SCGB2B2: variants seen among roughly 807,000 people sequenced by gnomAD.
SCGB2B2 encodes the protein secretoglobin-like protein.
SCGB2B2 carries 11 observed loss-of-function variants against 7.6 expected under a neutral mutation model. The ratio of observed to expected loss-of-function variants is 1.45; its 90% CI spans 0.91 to 2.40. The LOEUF (loss-of-function observed/expected upper bound fraction) is 2.40. SCGB2B2 is among the 30% of genes most tolerant of loss of function. The pLI is 0.00. For missense variants in SCGB2B2, 104 were observed against 115.4 expected, an observed-to-expected ratio of 0.90 and a Z score of 0.45; for synonymous variants, 50 against 48.6, an observed-to-expected ratio of 1.03 and a Z score of -0.12.
chr19:34,665,609 A>ATGTGTG (rs60068620), intron 1 of SCGB2B2, among the ~76,000 whole-genome samples: 59,284 of 151,596 alleles, frequency 0.39, 12,727 homozygotes, highest in Middle Eastern at 0.58. Context: ...GGTGGGATGG[A>ATGTGTG]TGTGTGTGAC....
chr19:34,658,129 C>T (rs1441625917), intron 1 of SCGB2B2, among the ~76,000 whole-genome samples: 1 of 151,826 alleles, frequency 6.6e-6, no homozygotes, highest in African/African-American at 2.4e-5. Flanking sequence ...CACTAAATGC[C>T]CACAAGAGAA....
At chr19:34,660,285 G>C (rs1395493066) in intron 1 of SCGB2B2, among the ~76,000 whole-genome samples, 1 of 152,060 alleles carries the variant, frequency 6.6e-6, no homozygotes, top group Non-Finnish European at 1.5e-5. Flanking sequence ...TAGACAAATG[G>C]GATCTAATTG....
At chr19:34,625,270 G>T (rs561049324) in intron 1 of SCGB2B2, among the ~76,000 whole-genome samples, 137 of 152,286 alleles carry the variant, frequency 9.0e-4, no homozygotes, top group African/African-American at 3.2e-3. Flanking sequence ...TGGATAGTGG[G>T]TGCAGGACAG....
rs879078756 is a variant in SCGB2B2 at position 34,611,436 on chromosome 19, T to C, written c.-2031-14842A>G. Among the ~76,000 whole-genome samples, 3 of 152,026 alleles carry C rather than the reference T, an allele frequency of 2.0e-5. No individual in the cohort carries two copies. In the South Asian group the frequency reaches 6.2e-4, roughly 32 times the overall value. Reference sequence around the variant, plus strand: ...TTTACTTGAAATCTTTCTGTTTTTTTGATGTGAGTACTTACTATTAAACTT... The same window carrying C: ...TTTACTTGAAATCTTTCTGTTTTTTCGATGTGAGTACTTACTATTAAACTT... On this transcript the variant is annotated intron_variant, in intron 1 of 3. Transcript: ENST00000601241.
chr19:34,655,197 T>C (rs1726820778), intron 1 of SCGB2B2, among the ~76,000 whole-genome samples: 2 of 151,242 alleles, frequency 1.3e-5, no homozygotes, highest in Admixed American at 1.3e-4. Flanking sequence ...CAGGTGAAGA[T>C]GGAAGGAGGA....
At chr19:34,610,232 T>C (rs1238668848) in intron 1 of SCGB2B2, among the ~76,000 whole-genome samples, 1 of 152,108 alleles carries the variant, frequency 6.6e-6, no homozygotes, top group African/African-American at 2.4e-5. Flanking sequence ...GTTTTCTATA[T>C]ACAAGATCAT....
At chr19:34,603,408 G>A (rs116640901) in intron 1 of SCGB2B2, among the ~76,000 whole-genome samples, 2,657 of 152,310 alleles carry the variant, frequency 0.017, 87 homozygotes, top group African/African-American at 0.059. Context: ...GAAAGTCATT[G>A]CCTTGCTTTC....
chr19:34,591,378 C>A lies in SCGB2B2; in HGVS notation c.*2177G>T, dbSNP rs1431269800. Among the ~76,000 whole-genome samples, 1 of 152,208 alleles carries A rather than the reference C, an allele frequency of 6.6e-6. No homozygotes were observed. Among genetic ancestry groups the A allele is most frequent in the African/African-American group, 2.4e-5 (1 of 41,444 alleles). On this transcript the variant is annotated 3_prime_UTR_variant, in exon 4 of 4. Transcript: ENST00000601241. ...AATTCAACAGCAGGTGCTGTCAGTG[C>A]TGCCCCAGCCTCTGTCTCCCTCGTG... is the stretch of plus-strand genomic sequence containing the variant.
In SCGB2B2 at chr19:34,636,930, G is replaced by GC. The variant is rs535097096; in HGVS notation, c.-2032+38699dup. Among the ~76,000 whole-genome samples, 28 of 152,268 alleles carry GC rather than the reference G, an allele frequency of 1.8e-4. No homozygotes were observed. In the East Asian group the frequency reaches 5.2e-3, roughly 28 times the overall value. ...GACAACTACCTGAGTCTGGGAAGAT[G>GC]CAAGGCCTAAGGGAAAGACACGACA... On this transcript the variant is annotated intron_variant, in intron 1 of 3. Coordinates refer to ENST00000601241, the MANE Select transcript of SCGB2B2 (RefSeq NM_001025591.4).
intron 1 of SCGB2B2, among the ~76,000 whole-genome samples, chr19:34,598,960 G>A (rs1221600832): frequency 1.3e-5 from 2 of 152,368 alleles, no homozygotes; most frequent in East Asian, 3.9e-4. Flanking sequence ...TGCTTACCAA[G>A]TCCTGTGGTT....
At chr19:34,638,018 T>C (rs1600059227) in intron 1 of SCGB2B2, 1 of 152,226 alleles carries the variant, frequency 6.6e-6, no homozygotes, top group African/African-American at 2.4e-5. Flanking sequence ...AAATCCCCAG[T>C]GATAAAGGGA....
intron 1 of SCGB2B2, chr19:34,634,887 C>T: frequency 3.6e-6 from 1 of 278,072 alleles, no homozygotes; most frequent in South Asian, 5.1e-5. Context: ...TAAAATGAGG[C>T]TGGATCTTTG....
chr19:34,677,016 G>T lies in SCGB2B2; in HGVS notation c.-3418C>A, dbSNP rs1312339371. Reference sequence around the variant, plus strand: ...TCAGTATTTCCAAGTCCTTCCAGGGGCGTAACGCACGTCAGAACGGCCATT... The same window carrying T: ...TCAGTATTTCCAAGTCCTTCCAGGGTCGTAACGCACGTCAGAACGGCCATT... On this transcript the variant is annotated 5_prime_UTR_variant, in exon 1 of 4. Coordinates refer to ENST00000601241, the MANE Select transcript of SCGB2B2 (RefSeq NM_001025591.4). 4 of 152,106 alleles carry T rather than the reference G, an allele frequency of 2.6e-5. No individual in the cohort carries two copies. The highest frequency in any genetic ancestry group is 9.7e-5 in the African/African-American group (4 of 41,412). 9.4% of individuals were successfully genotyped at this position (152,106 alleles called of 1,614,324 possible). A position where few individuals can be genotyped will look rare whatever the true frequency, so the allele number is the denominator to read the frequency against.
At chr19:34,617,006 C>A (rs900048324) in intron 1 of SCGB2B2, among the ~76,000 whole-genome samples, 6 of 152,136 alleles carry the variant, frequency 3.9e-5, no homozygotes, top group Non-Finnish European at 8.8e-5. Context: ...AGATATGCGG[C>A]ATTATTTCTG....
chr19:34,642,714 C>CAAAAACAAAAAAA, intron 1 of SCGB2B2, among the ~76,000 whole-genome samples: 1 of 39,880 alleles, frequency 2.5e-5, no homozygotes. Context: ...GACTCCGTCT[C>CAAAAACAAAAAAA]AAAAAAAAAA....
intron 1 of SCGB2B2, among the ~76,000 whole-genome samples, chr19:34,662,427 T>C (rs2067484086): frequency 6.6e-6 from 1 of 151,836 alleles, no homozygotes; most frequent in African/African-American, 2.4e-5. Context: ...TTTATGACCA[T>C]GACATGAGAA....
chr19:34,643,376 ATAAAGG>A (rs1223755592), intron 1 of SCGB2B2, among the ~76,000 whole-genome samples: 1 of 152,224 alleles, frequency 6.6e-6, no homozygotes, highest in Non-Finnish European at 1.5e-5. Flanking sequence ...AGTTGACCTC[ATAAAGG>A]TAGAGAGTAG....
intron 1 of SCGB2B2, among the ~76,000 whole-genome samples, chr19:34,607,207 G>C (rs1398836911): frequency 4.6e-5 from 7 of 152,210 alleles, no homozygotes; most frequent in Admixed American, 4.6e-4. Context: ...CCGTATTGTT[G>C]AAAGGAGCAG....
intron 1 of SCGB2B2, among the ~76,000 whole-genome samples, chr19:34,610,265 T>C (rs1600044956): frequency 6.6e-6 from 1 of 152,260 alleles, no homozygotes; most frequent in South Asian, 2.1e-4. Context: ...CAGAGACCAT[T>C]TGGCATCCTC....
Sources: allele counts gnomAD v4.1 joint callset (sites outside exome capture counted in the v4.1 genomes callset), GRCh38; gene constraint gnomAD v4.1.1; transcripts MANE v1.5; gene names NCBI Gene and HGNC (gene_info 2026-07-23, HGNC 2026-07-21).